The following MYLK variants were observed in gnomAD, a reference collection of about 807,000 sequenced individuals.
MYLK encodes the protein myosin light chain kinase, smooth muscle.
A neutral mutation model predicts 203.4 loss-of-function variants in MYLK; 106 were observed. The ratio of observed to expected loss-of-function variants is 0.52; its 90% CI spans 0.45 to 0.61. The LOEUF (loss-of-function observed/expected upper bound fraction) is 0.61, where lower values mean the gene tolerates loss of function less well. MYLK is among the 20% of genes least tolerant of loss of function. MYLK has a pLI of 0.00. For missense variants in MYLK, 2,072 were observed against 2,442.3 expected, an observed-to-expected ratio of 0.85 and a Z score of 3.20; for synonymous variants, 867 against 959.5, an observed-to-expected ratio of 0.90 and a Z score of 1.78.
At chr3:123,680,177 C>T (rs1417606803) in intron 20 of MYLK, among the ~76,000 whole-genome samples, 1 of 152,184 alleles carries the variant, frequency 6.6e-6, no homozygotes, top group Non-Finnish European at 1.5e-5. Context: ...TTTCCACAGC[C>T]TTCTGTTCTC....
At chr3:123,865,547 G>A (rs1291524076) in intron 2 of MYLK, among the ~76,000 whole-genome samples, 1 of 152,176 alleles carries the variant, frequency 6.6e-6, no homozygotes, top group Non-Finnish European at 1.5e-5. Context: ...TACTTATTGT[G>A]TGCCAGATAA....
chr3:123,740,601 TG>T (rs1159331078), intron 5 of MYLK, among the ~76,000 whole-genome samples: 1 of 152,216 alleles, frequency 6.6e-6, no homozygotes, highest in African/African-American at 2.4e-5. Flanking sequence ...CTGCAGAATC[TG>T]CAGTGCTGCC....
In MYLK at chr3:123,700,086, T is replaced by A. The variant is rs1179384491; in HGVS notation, c.3382A>T (p.Thr1128Ser). Residue 1128 changes from threonine (T) to serine (S), a missense_variant, in exon 18 of 34, where the codon ACC (threonine) becomes TCC (serine). Physicochemically the swap from Thr to Ser is moderately conservative, Grantham distance 58. Coordinates refer to ENST00000360304, the MANE Select transcript of MYLK (RefSeq NM_053025.4). ...TTTCCGTTCAGCGTCCAGATGATGG[T>A]GGCTGGGGGGTCAGAAGACACCTGG... ...QCQVSSDPPA[T>S]IIWTLNGKTL... 3.7e-6 allele frequency: 6 copies of A among 1,613,900 alleles called. No homozygotes were observed. Among genetic ancestry groups the A allele is most frequent in the Non-Finnish European group, 8.5e-7 (1 of 1,179,992 alleles).
intron 4 of MYLK, among the ~76,000 whole-genome samples, chr3:123,787,589 T>C (rs934128687): frequency 5.3e-5 from 8 of 152,194 alleles, no homozygotes; most frequent in Non-Finnish European, 1.0e-4. Flanking sequence ...AGATGAGACA[T>C]GTGAAGGGGC....
chr3:123,855,873 C>A (rs891983671), intron 2 of MYLK, among the ~76,000 whole-genome samples: 2 of 152,044 alleles, frequency 1.3e-5, no homozygotes, highest in Admixed American at 6.6e-5. Flanking sequence ...TGCTTTTACA[C>A]CAAAGCTTTC....
At chr3:123,638,322 C>A in intron 28 of MYLK, 128 bp from the exon 29 acceptor site, 12 of 1,362,100 alleles carry the variant, frequency 8.8e-6, no homozygotes, top group Non-Finnish European at 1.2e-5. Flanking sequence ...GCACAGAGAA[C>A]AGGCACAGAG....
At chr3:123,755,415 C>G (rs1200444294) in intron 4 of MYLK, among the ~76,000 whole-genome samples, 1 of 152,136 alleles carries the variant, frequency 6.6e-6, no homozygotes, top group Non-Finnish European at 1.5e-5. Context: ...CTGAAATGCC[C>G]TCTTAAAATA....
chr3:123,798,839 G>C (rs1158262339), intron 3 of MYLK, among the ~76,000 whole-genome samples: 1 of 152,028 alleles, frequency 6.6e-6, no homozygotes, highest in African/African-American at 2.4e-5. Context: ...ACAGATCTCT[G>C]CCACACAATT....
chr3:123,819,759 C>G (rs1043093580), intron 3 of MYLK, among the ~76,000 whole-genome samples: 2 of 128,528 alleles, frequency 1.6e-5, no homozygotes, highest in Non-Finnish European at 3.3e-5. Context: ...ATTCAAATTT[C>G]TGTTCATTTG....
intron 4 of MYLK, among the ~76,000 whole-genome samples, chr3:123,765,893 T>C (rs775082271): frequency 6.6e-6 from 1 of 152,134 alleles, no homozygotes; most frequent in Non-Finnish European, 1.5e-5. Flanking sequence ...GAAAGTAGAA[T>C]GGTGGTTGCC....
chr3:123,758,490 G>A (rs1036841160), intron 4 of MYLK, among the ~76,000 whole-genome samples: 2 of 152,074 alleles, frequency 1.3e-5, no homozygotes, highest in Non-Finnish European at 2.9e-5. Context: ...GGGTCTCCAG[G>A]GACAGATGCT....
At chr3:123,838,056 C>T (rs2148640844) in intron 2 of MYLK, among the ~76,000 whole-genome samples, 1 of 152,104 alleles carries the variant, frequency 6.6e-6, no homozygotes, top group Middle Eastern at 3.4e-3. Context: ...CATCAAACCA[C>T]AAATCCAAAA....
chr3:123,798,721 G>T (rs933465009), intron 3 of MYLK, among the ~76,000 whole-genome samples: 13 of 152,098 alleles, frequency 8.5e-5, no homozygotes, highest in African/African-American at 2.7e-4. Context: ...GTGCTTTTGT[G>T]GGGGAGAGTT....
intron 5 of MYLK, among the ~76,000 whole-genome samples, chr3:123,743,447 C>A (rs2062920444): frequency 6.6e-6 from 1 of 151,936 alleles, no homozygotes; most frequent in African/African-American, 2.4e-5. Flanking sequence ...CTAACAGGGT[C>A]TATTTATAGG....
chr3:123,796,206 C>T (rs1487065440), intron 3 of MYLK, among the ~76,000 whole-genome samples: 2 of 152,234 alleles, frequency 1.3e-5, no homozygotes, highest in East Asian at 3.9e-4. Context: ...TAATAAATAG[C>T]TCATTTGCTC....
chr3:123,870,086 G>C (rs761189895), intron 2 of MYLK, among the ~76,000 whole-genome samples: 1 of 152,136 alleles, frequency 6.6e-6, no homozygotes, highest in Non-Finnish European at 1.5e-5. Flanking sequence ...AGAAAGCCAT[G>C]GTCCTGGAAA....
chr3:123,843,744 G>A (rs943635458), intron 2 of MYLK, among the ~76,000 whole-genome samples: 2 of 152,130 alleles, frequency 1.3e-5, no homozygotes, highest in Non-Finnish European at 2.9e-5. Flanking sequence ...CAAATTCCCT[G>A]CCCCTCTCCT....
rs188387983 is a variant in MYLK at position 123,814,087 on chromosome 3, T to C, written c.-4+17461A>G. ...AAGATATCTTCCCCATGCAGCTGTG[T>C]CAAATTTGGTGCCTGCCCTGCCTGT... On this transcript the variant is annotated intron_variant, in intron 3 of 33. Coordinates refer to ENST00000360304, the MANE Select transcript of MYLK (RefSeq NM_053025.4). 18 of 272,354 alleles carry C rather than the reference T, an allele frequency of 6.6e-5. No individual in the cohort carries two copies. In the East Asian group the frequency reaches 1.9e-3, roughly 29 times the overall value. 16.9% of individuals were successfully genotyped at this position (272,354 alleles called of 1,614,324 possible). A position where few individuals can be genotyped will look rare whatever the true frequency, so the allele number is the denominator to read the frequency against.
At position 123,692,738 on chromosome 3, in the gene MYLK, C is replaced by A; in HGVS notation, c.3562G>T (p.Asp1188Tyr). 1 of 1,612,454 alleles carries A rather than the reference C, an allele frequency of 6.2e-7. No individual in the cohort carries two copies. Among genetic ancestry groups the A allele is most frequent in the Non-Finnish European group, 8.5e-7 (1 of 1,178,584 alleles). The change falls in exon 19 of 34, where the codon GAT (aspartate) becomes TAT (tyrosine). Residue 1188 changes from aspartate to tyrosine, a missense_variant. Coordinates refer to ENST00000360304, the MANE Select transcript of MYLK (RefSeq NM_053025.4). Reference protein sequence around the residue: ...QAECSCQVTVDDAPASENTKA... With the variant: ...QAECSCQVTVYDAPASENTKA... ...GCGATGGGTGGGCACGACCTACCAT[C>A]CACGGTGACTTGGCAGGAGCACTCC...
Sources: gnomAD v4.1 joint callset for allele counts (sites outside exome capture counted in the v4.1 genomes callset) on GRCh38, gnomAD v4.1.1 for gene constraint, MANE v1.5 for transcripts, NCBI Gene and HGNC (gene_info 2026-07-23, HGNC 2026-07-21) for gene names.